The following QKI variants were observed in gnomAD, a reference collection of about 807,000 sequenced individuals.
QKI encodes the protein KH domain-containing RNA-binding protein QKI.
In QKI, 10 loss-of-function variants were observed where a neutral mutation model predicts 39.0. The ratio of observed to expected loss-of-function variants is 0.26; its 90% CI spans 0.16 to 0.43. The LOEUF (loss-of-function observed/expected upper bound fraction) is 0.43. Among genes scored for constraint, QKI ranks in the 20% least tolerant of loss-of-function variants. The pLI, the probability that QKI is intolerant of heterozygous loss-of-function variation, is 1.00. For synonymous variants in QKI, 204 were observed against 155.4 expected (o/e 1.31, Z -2.33); for missense variants, 218 against 428.0 (o/e 0.51, Z 4.33).
chr6:163,420,154 C>CTT (rs35131240), intron 1 of QKI, among the ~76,000 whole-genome samples: 7 of 60,826 alleles, frequency 1.2e-4, no homozygotes, highest in African/African-American at 2.8e-4. Context: ...CTTTTCTTTT[C>CTT]TTTTTTTTTT....
chr6:163,553,055 TTTTAA>T (rs1167419697), intron 4 of QKI, among the ~76,000 whole-genome samples: 4 of 146,972 alleles, frequency 2.7e-5, no homozygotes, highest in Non-Finnish European at 6.0e-5. Flanking sequence ...TCTTTTTTTT[TTTTAA>T]TTTTTATTTA....
chr6:163,432,758 T>G (rs917943881), intron 1 of QKI, among the ~76,000 whole-genome samples: 4 of 152,180 alleles, frequency 2.6e-5, no homozygotes, highest in Admixed American at 2.6e-4. Context: ...GATAAAAGTC[T>G]AAGATAAAGG....
chr6:163,545,459 T>C (rs1159497739), intron 4 of QKI, among the ~76,000 whole-genome samples: 1 of 152,056 alleles, frequency 6.6e-6, no homozygotes, highest in African/African-American at 2.4e-5. Context: ...ACCATAATTA[T>C]CTAAATCATT....
chr6:163,445,775 C>T (rs1391844455), intron 1 of QKI, among the ~76,000 whole-genome samples: 2 of 152,080 alleles, frequency 1.3e-5, no homozygotes, highest in Non-Finnish European at 2.9e-5. Flanking sequence ...CCACCACGCC[C>T]AGCTAATTTT....
chr6:163,563,500 G>A lies in QKI; in HGVS notation c.715G>A (p.Ala239Thr). 6.2e-7 allele frequency: 1 copy of A among 1,614,126 alleles called. No homozygotes were observed. Among genetic ancestry groups the A allele is most frequent in the Non-Finnish European group, 8.5e-7 (1 of 1,180,018 alleles). ...ITGPAPVLPP[A>T]ALRTPTPAGP... ...TGGGCCTGCGCCGGTTCTCCCACCA[G>A]CTGCCCTGCGTACTCCTACGCCAGC... Residue 239 changes from alanine to threonine, a missense_variant, in exon 6 of 8, where the codon GCT becomes ACT. This residue lies in a region of QKI where 117 missense variants were observed against 186.0 expected (regional missense o/e 0.63). Coordinates refer to ENST00000361752, the MANE Select transcript of QKI (RefSeq NM_006775.3).
chr6:163,497,639 T>A (rs76530807), intron 3 of QKI, among the ~76,000 whole-genome samples: 1 of 148,492 alleles, frequency 6.7e-6, no homozygotes, highest in Admixed American at 6.7e-5. Context: ...TATTGTTTGT[T>A]AAAAAAAAAA....
intron 4 of QKI, among the ~76,000 whole-genome samples, chr6:163,550,000 G>A (rs1363798258): frequency 2.0e-5 from 3 of 152,210 alleles, no homozygotes; most frequent in Non-Finnish European, 4.4e-5. Flanking sequence ...AGTAAATGAA[G>A]CTTTGACCGT....
intron 4 of QKI, among the ~76,000 whole-genome samples, chr6:163,556,284 G>A (rs1473759640): frequency 2.6e-5 from 4 of 151,974 alleles, no homozygotes; most frequent in East Asian, 1.9e-4. Flanking sequence ...AGGCCGAGGC[G>A]GGTAGATCAC....
At chr6:163,468,451 GTTTATC>G (rs975338038) in intron 2 of QKI, among the ~76,000 whole-genome samples, 10 of 152,256 alleles carry the variant, frequency 6.6e-5, no homozygotes, top group African/African-American at 2.2e-4. Context: ...TGTTGCAGGA[GTTTATC>G]TTTAATTAGG....
intron 3 of QKI, among the ~76,000 whole-genome samples, chr6:163,519,747 C>T (rs184704365): frequency 6.6e-6 from 1 of 152,172 alleles, no homozygotes. Context: ...CCCTTGCTCT[C>T]ATAATTAACC....
chr6:163,437,124 T>TGA (rs1200193835), intron 1 of QKI, among the ~76,000 whole-genome samples: 1 of 152,216 alleles, frequency 6.6e-6, no homozygotes, highest in Non-Finnish European at 1.5e-5. Context: ...AAAGCCTTTG[T>TGA]GAGAGAGATG....
chr6:163,455,472 G>A, intron 2 of QKI, 51 bp downstream of exon 2: 2 of 1,512,766 alleles, frequency 1.3e-6, no homozygotes, highest in Non-Finnish European at 1.8e-6. Flanking sequence ...CACATATGTT[G>A]GGAAGAGATA....
At chr6:163,486,530 C>T (rs1446052327) in intron 3 of QKI, among the ~76,000 whole-genome samples, 3 of 152,162 alleles carry the variant, frequency 2.0e-5, no homozygotes, top group African/African-American at 7.2e-5. Context: ...TTTTCATATA[C>T]ATTACAAATT....
chr6:163,456,141 G>C (rs1790890492), intron 2 of QKI, among the ~76,000 whole-genome samples: 1 of 152,116 alleles, frequency 6.6e-6, no homozygotes, highest in African/African-American at 2.4e-5. Flanking sequence ...CTACTGGCTG[G>C]CTGCTTCTTG....
chr6:163,445,903 C>G (rs746542211), intron 1 of QKI, among the ~76,000 whole-genome samples: 1 of 152,166 alleles, frequency 6.6e-6, no homozygotes, highest in African/African-American at 2.4e-5. Context: ...CGTGAGCCAT[C>G]GAGCCCGACC....
At chr6:163,560,339 T>G (rs980233737) in intron 4 of QKI, among the ~76,000 whole-genome samples, 1 of 152,172 alleles carries the variant, frequency 6.6e-6, no homozygotes, top group African/African-American at 2.4e-5. Flanking sequence ...AATGAAACCA[T>G]GTTGAAAGCA....
intron 3 of QKI, among the ~76,000 whole-genome samples, chr6:163,487,314 C>G (rs890832790): frequency 8.5e-5 from 13 of 152,140 alleles, no homozygotes; most frequent in African/African-American, 3.1e-4. Flanking sequence ...TCTCATTCCC[C>G]ATTGCCTCAC....
intron 2 of QKI, among the ~76,000 whole-genome samples, chr6:163,458,490 T>G (rs1435271877): frequency 6.6e-6 from 1 of 152,234 alleles, no homozygotes; most frequent in Admixed American, 6.5e-5. Context: ...CATATTTGTA[T>G]GAAACTCATT....
intron 2 of QKI, among the ~76,000 whole-genome samples, chr6:163,468,180 A>G (rs925344837): frequency 6.6e-6 from 1 of 152,090 alleles, no homozygotes; most frequent in African/African-American, 2.4e-5. Flanking sequence ...TTTCATACCC[A>G]CTGTGTTGCT....
Sources: gnomAD v4.1 joint callset for allele counts (sites outside exome capture counted in the v4.1 genomes callset) on GRCh38, gnomAD v4.1.1 for gene constraint, gnomAD v4.1.1 regional missense constraint, MANE v1.5 for transcripts, NCBI Gene and HGNC (gene_info 2026-07-23, HGNC 2026-07-21) for gene names.